The following ATP13A4 variants were observed in gnomAD, a reference collection of about 807,000 sequenced individuals.
The protein encoded by ATP13A4 is probable cation-transporting ATPase 13A4.
ATP13A4 carries 114 observed loss-of-function variants against 142.5 expected under a neutral mutation model. The observed-to-expected ratio is 0.80, with a 90% CI of 0.69 to 0.93. The LOEUF (loss-of-function observed/expected upper bound fraction) is 0.93, where lower values mean the gene tolerates loss of function less well. Ranked by LOEUF, ATP13A4 falls within the 40% of genes least tolerant of loss-of-function variation. ATP13A4 has a pLI of 0.00. For synonymous variants in ATP13A4, 488 were observed against 514.8 expected (o/e 0.95, Z 0.70); for missense variants, 1,392 against 1,454.0 (o/e 0.96, Z 0.69).
In ATP13A4 at chr3:193,509,723, C is replaced by T. The variant is rs568836096; in HGVS notation, c.234+4975G>A. 7.2e-5 allele frequency among the ~76,000 whole-genome samples: 11 copies of T among 152,276 alleles called. No homozygotes were observed. The East Asian group carries it at 7.7e-4, about 11-fold the overall frequency. On this transcript the variant is annotated intron_variant, in intron 2 of 29. Transcript: ENST00000342695. Reference sequence around the variant, plus strand: ...ATTAACTCCCTCCCTTCTGAACTGGCGCAAAGAATGAATCAACAAAGACTT... The same window carrying T: ...ATTAACTCCCTCCCTTCTGAACTGGTGCAAAGAATGAATCAACAAAGACTT...
intron 25 of ATP13A4, among the ~76,000 whole-genome samples, chr3:193,416,350 C>A (rs572685013): frequency 6.6e-6 from 1 of 152,208 alleles, no homozygotes; most frequent in South Asian, 2.1e-4. Flanking sequence ...TGAGGAAGCA[C>A]AGATATTAGA....
rs1274608053 is a variant in ATP13A4, at chr3:193,439,073, G to A, written c.2520-8C>T. On this transcript the variant is annotated splice_polypyrimidine_tract_variant and splice_region_variant and intron_variant, in intron 21 of 29. Transcript: ENST00000342695. ...CACATACCTACAAAGTAACTAAGAG[G>A]GAACCACATTAATTGTAGATGAGAT... The A allele has an allele frequency of 2.5e-6, 4 of 1,600,576 alleles. No homozygotes were observed. The highest frequency in any genetic ancestry group is 1.3e-5 in the African/African-American group (1 of 74,456).
chr3:193,576,756 A>C (rs934975593), intron 2 of ATP13A4, among the ~76,000 whole-genome samples: 6 of 152,112 alleles, frequency 3.9e-5, no homozygotes, highest in African/African-American at 7.2e-5. Flanking sequence ...AATCTCTGGA[A>C]GGGTTGAAGA....
chr3:193,500,897 T>C (rs1209549657), intron 3 of ATP13A4, among the ~76,000 whole-genome samples: 2 of 152,192 alleles, frequency 1.3e-5, no homozygotes, highest in Non-Finnish European at 2.9e-5. Context: ...TTAATATCCA[T>C]CGTCTCATTG....
upstream of ATP13A4, chr3:193,554,917 G>C (rs1723823184): frequency 1.2e-6 from 2 of 1,606,904 alleles, no homozygotes; most frequent in South Asian, 2.2e-5. Context: ...TGATCCTCCA[G>C]GTTAAAACTC....
chr3:193,465,188 CTT>C (rs1718196171), intron 11 of ATP13A4, 60 bp from the exon 12 acceptor site: 5 of 1,545,686 alleles, frequency 3.2e-6, no homozygotes, highest in African/African-American at 1.4e-5. Flanking sequence ...GCATATGACT[CTT>C]TGCCTTTTTT....
chr3:193,449,348 G>T (rs1717138243), intron 17 of ATP13A4, among the ~76,000 whole-genome samples: 1 of 152,182 alleles, frequency 6.6e-6, no homozygotes, highest in African/African-American at 2.4e-5. Context: ...AACTCTGGCT[G>T]AAATACAGAT....
intron 17 of ATP13A4, among the ~76,000 whole-genome samples, chr3:193,450,339 A>C (rs1717206300): frequency 6.6e-6 from 1 of 152,172 alleles, no homozygotes; most frequent in South Asian, 2.1e-4. Flanking sequence ...ATGTGTGCCT[A>C]GTTGAAATGC....
intron 12 of ATP13A4, among the ~76,000 whole-genome samples, chr3:193,464,392 C>T (rs1467713526): frequency 3.9e-5 from 6 of 152,086 alleles, no homozygotes; most frequent in South Asian, 2.1e-4. Context: ...AATAAAAAGA[C>T]GGTAGAATAC....
intron 2 of ATP13A4, among the ~76,000 whole-genome samples, chr3:193,575,624 T>C (rs1249647799): frequency 2.0e-5 from 3 of 152,202 alleles, no homozygotes; most frequent in African/African-American, 7.2e-5. Context: ...TGATTGTATA[T>C]CCATCAGGAA....
At chr3:193,580,620 G>C (rs1365232099) in intron 2 of ATP13A4, among the ~76,000 whole-genome samples, 1 of 152,120 alleles carries the variant, frequency 6.6e-6, no homozygotes, top group Non-Finnish European at 1.5e-5. Flanking sequence ...CCAAGTTACA[G>C]AATAGAATGA....
In ATP13A4 at chr3:193,444,238, C is replaced by A. The variant is rs6770307; in HGVS notation, c.2153-1682G>T. Among the ~76,000 whole-genome samples the A allele has an allele frequency of 5.9e-3, 895 of 152,230 alleles. 12 individuals carry two copies. The highest frequency in any genetic ancestry group is 0.02 in the African/African-American group (825 of 41,552). On this transcript the variant is annotated intron_variant, in intron 18 of 29. Coordinates refer to ENST00000342695, the MANE Select transcript of ATP13A4 (RefSeq NM_032279.4). The stretch of plus-strand genomic sequence containing the variant: ...ACTTCAAATTATCACAGATTTCCAT[C>A]AAAAATATGGAGAGAAGAAAATAGT...
intron 10 of ATP13A4, 124 bp downstream of exon 10, chr3:193,467,192 T>C: frequency 9.7e-7 from 1 of 1,027,198 alleles, no homozygotes; most frequent in South Asian, 1.6e-5. Context: ...CCCACAAAAA[T>C]TAAAAATTAA....
Position 193,402,468 on chromosome 3 carries a change from T to C in ATP13A4, c.*184A>G. 6.8e-6 allele frequency: 4 copies of C among 588,642 alleles called. No homozygotes were observed. The highest frequency in any genetic ancestry group is 1.2e-5 in the Non-Finnish European group (4 of 330,388). The allele number at this position is 588,642 out of a possible 1,614,324, so 36.5% of individuals were successfully genotyped here. ...TCAGAAGCCAAGAGGAAAGCACTCT[T>C]CTGGGTCAATGTTCTTCTCTGTAGA... On this transcript the variant is annotated 3_prime_UTR_variant, in exon 30 of 30. Transcript: ENST00000342695.
chr3:193,425,201 C>CA, intron 25 of ATP13A4, among the ~76,000 whole-genome samples: 1 of 151,012 alleles, frequency 6.6e-6, no homozygotes, highest in African/African-American at 2.4e-5. Context: ...ATCAAAAAGA[C>CA]AAAAAATAAT....
At chr3:193,410,448 T>G (rs558953089) in intron 28 of ATP13A4, among the ~76,000 whole-genome samples, 13 of 152,346 alleles carry the variant, frequency 8.5e-5, no homozygotes, top group Non-Finnish European at 1.6e-4. Flanking sequence ...TGCAGTGGCT[T>G]AAGCCTGTAA....
At chr3:193,421,883 A>G (rs2108610264) in intron 25 of ATP13A4, among the ~76,000 whole-genome samples, 1 of 150,114 alleles carries the variant, frequency 6.7e-6, no homozygotes, top group African/African-American at 2.4e-5. Flanking sequence ...AGACAGGAAC[A>G]AAAGAACTAC....
chr3:193,530,456 A>G (rs1193284006), intron 1 of ATP13A4, among the ~76,000 whole-genome samples: 1 of 152,206 alleles, frequency 6.6e-6, no homozygotes, highest in African/African-American at 2.4e-5. Context: ...AGAAATCTAG[A>G]CATTCCCTTT....
chr3:193,453,128 G>A (rs942372940), intron 17 of ATP13A4, among the ~76,000 whole-genome samples: 3 of 152,158 alleles, frequency 2.0e-5, no homozygotes, highest in African/African-American at 7.2e-5. Context: ...TTCATTTTGT[G>A]TTAGTGGAGT....
Sources: allele counts gnomAD v4.1 joint callset (sites outside exome capture counted in the v4.1 genomes callset), GRCh38; gene constraint gnomAD v4.1.1; transcripts MANE v1.5; gene names NCBI Gene and HGNC (gene_info 2026-07-23, HGNC 2026-07-21).